The following ATXN10 variants were observed in gnomAD, a reference collection of about 807,000 sequenced individuals.
The protein encoded by ATXN10 is ataxin 10.
ATXN10 carries 28 observed loss-of-function variants against 52.9 expected under a neutral mutation model. The observed-to-expected ratio is 0.53, with a 90% CI of 0.39 to 0.73. ATXN10 has a LOEUF of 0.73. ATXN10 is among the 30% of genes least tolerant of loss of function. The pLI is 0.00. For missense variants in ATXN10, 565 were observed against 577.0 expected (o/e 0.98, Z 0.21); for synonymous variants, 226 against 221.5 (o/e 1.02, Z -0.18).
In ATXN10 at chr22:45,823,251, A is replaced by G. The variant is rs1362253069; in HGVS notation, c.1237+16229A>G. ...TCTGACTTCTATGATGTTTTAATGA[A>G]TAAAAATTCCCAATTTTAATGTAAA... is the stretch of plus-strand genomic sequence containing the variant. On this transcript the variant is annotated intron_variant, in intron 10 of 11. Transcript: ENST00000252934. The surrounding 1 kb of genome is among the most constrained non-coding windows in gnomAD (Gnocchi z 4.9). 2.2e-6 allele frequency: 1 copy of G among 461,732 alleles called. No individual in the cohort carries two copies. The allele number at this position is 461,732 out of a possible 1,614,324, so 28.6% of individuals were successfully genotyped here.
rs1923847886 is a variant in ATXN10 at position 45,701,637 on chromosome 22, T to C, written c.489-1052T>C. Among the ~76,000 whole-genome samples, 3 of 152,160 alleles carry C rather than the reference T, an allele frequency of 2.0e-5. No homozygotes were observed. Among genetic ancestry groups the C allele is most frequent in the Non-Finnish European group, 4.4e-5 (3 of 68,024 alleles). On this transcript the variant is annotated intron_variant, in intron 4 of 11. Transcript: ENST00000252934. This position sits in a 1 kb window ranked among gnomAD's most constrained non-coding sequence, Gnocchi z 4.2. ...TTTGAGAATTCATTCCCTTAAAACGTTTTGGATACCTAATATCTGCCAGGT... is the reference window on the plus strand; with the variant it reads ...TTTGAGAATTCATTCCCTTAAAACGCTTTGGATACCTAATATCTGCCAGGT...
intron 5 of ATXN10, among the ~76,000 whole-genome samples, chr22:45,713,866 C>G (rs1467081562): frequency 6.6e-6 from 1 of 152,054 alleles, no homozygotes; most frequent in African/African-American, 2.4e-5. Flanking sequence ...TATGAATATA[C>G]CAGGATTTAT....
intron 10 of ATXN10, among the ~76,000 whole-genome samples, chr22:45,831,722 C>CT (rs1354311892): frequency 6.6e-6 from 1 of 152,268 alleles, no homozygotes; most frequent in Non-Finnish European, 1.5e-5. Flanking sequence ...TGAACCTCAA[C>CT]TTTCTGCCCA....
chr22:45,777,761 C>T (rs993274985), intron 9 of ATXN10, among the ~76,000 whole-genome samples: 8 of 152,212 alleles, frequency 5.3e-5, no homozygotes, highest in Non-Finnish European at 1.0e-4. Context: ...TTCACTTAAG[C>T]TCTAGCTGCC....
chr22:45,798,646 G>A (rs1927828266), intron 9 of ATXN10, among the ~76,000 whole-genome samples: 1 of 152,124 alleles, frequency 6.6e-6, no homozygotes, highest in Non-Finnish European at 1.5e-5. Context: ...CACCACTCCA[G>A]TAAACAACGT....
In ATXN10 at chr22:45,781,529, T is replaced by C. The variant is rs1927149716; in HGVS notation, c.1174-25430T>C. On this transcript the variant is annotated intron_variant, in intron 9 of 11. Transcript: ENST00000252934. The surrounding 1 kb of genome is among the most constrained non-coding windows in gnomAD (Gnocchi z 4.2). ...GAGACTTAAACTTAAGATTCAGTCT[T>C]CTCATACCACTACACCCAAATGTTT... 6.6e-6 allele frequency among the ~76,000 whole-genome samples: 1 copy of C among 152,176 alleles called. No individual in the cohort carries two copies. Among genetic ancestry groups the C allele is most frequent in the Non-Finnish European group, 1.5e-5 (1 of 68,024 alleles).
chr22:45,677,505 C>A lies in ATXN10; in HGVS notation c.116+5326C>A, dbSNP rs1371330058. On this transcript the variant is annotated intron_variant, in intron 1 of 11. Transcript: ENST00000252934. This position sits in a 1 kb window ranked among gnomAD's most constrained non-coding sequence, Gnocchi z 4.1. ...TTAAAAATTAAAAAAAAATTCAGGC[C>A]AAAAGGTCTTAAAAAAAAAAAAAAG... 2.1e-5 allele frequency: 3 copies of A among 140,056 alleles called. No homozygotes were observed. The highest frequency in any genetic ancestry group is 2.7e-5 in the African/African-American group (1 of 36,784). 8.7% of individuals were successfully genotyped at this position (140,056 alleles called of 1,614,324 possible).
Position 45,672,141 on chromosome 22 carries a change from G to A in ATXN10, c.78G>A (p.Leu26=). ...CGCCCATCCAAGACCTGGAGGCCCT[G>A]CGCGCGCTCACGGCGCTCTTCAAAG... ...VPAPIQDLEA[L]RALTALFKEQ... is the part of the protein sequence containing the mutation. The change falls in exon 1 of 12, where the codon CTG becomes CTA. Residue 26 remains leucine, a synonymous_variant. Coordinates refer to ENST00000252934, the MANE Select transcript of ATXN10 (RefSeq NM_013236.4). 1 of 1,540,122 alleles carries A rather than the reference G, an allele frequency of 6.5e-7. No homozygotes were observed. Among genetic ancestry groups the A allele is most frequent in the Non-Finnish European group, 8.7e-7 (1 of 1,145,402 alleles).
At position 45,672,013 on chromosome 22, in the gene ATXN10, C is replaced by G. The variant is rs774061131; in HGVS notation, c.-51C>G. 1 of 1,524,488 alleles carries G rather than the reference C, an allele frequency of 6.6e-7. No individual in the cohort carries two copies. Among genetic ancestry groups the G allele is most frequent in the Non-Finnish European group, 8.8e-7 (1 of 1,138,428 alleles). The allele number at this position is 1,524,488 out of a possible 1,614,324, so 94.4% of individuals were successfully genotyped here. Reference sequence around the variant, plus strand: ...CTCCTCGTCATCCTCCCCCTTCGTCCTCCTCGCCTTCCTCCTCCTCGTCAG... The same window carrying G: ...CTCCTCGTCATCCTCCCCCTTCGTCGTCCTCGCCTTCCTCCTCCTCGTCAG... On this transcript the variant is annotated 5_prime_UTR_variant, in exon 1 of 12. Coordinates refer to ENST00000252934, the MANE Select transcript of ATXN10 (RefSeq NM_013236.4).
In ATXN10 at chr22:45,677,005, C is replaced by T. The variant is rs1363102524; in HGVS notation, c.116+4826C>T. The stretch of plus-strand genomic sequence containing the variant: ...CCATGTTGCCCAGGCTGGCATTAGC[C>T]ATATTTTAAGTGCTCATTGGCCACA... On this transcript the variant is annotated intron_variant, in intron 1 of 11. Coordinates refer to ENST00000252934, the MANE Select transcript of ATXN10 (RefSeq NM_013236.4). The surrounding 1 kb of genome is among the most constrained non-coding windows in gnomAD (Gnocchi z 4.1). 1 of 148,774 alleles carries T rather than the reference C, an allele frequency of 6.7e-6. No homozygotes were observed. Among genetic ancestry groups the T allele is most frequent in the Non-Finnish European group, 1.5e-5 (1 of 66,024 alleles). The allele number at this position is 148,774 out of a possible 1,614,324, so 9.2% of individuals were successfully genotyped here. A position where few individuals can be genotyped will look rare whatever the true frequency, so the allele number is the denominator to read the frequency against.
At chr22:45,796,913 A>G (rs1927761486) in intron 9 of ATXN10, among the ~76,000 whole-genome samples, 1 of 152,262 alleles carries the variant, frequency 6.6e-6, no homozygotes, top group Non-Finnish European at 1.5e-5. Flanking sequence ...GTAAACACTT[A>G]TAAGAAAGCT....
At position 45,786,920 on chromosome 22, in the gene ATXN10, C is replaced by T. The variant is rs1367469364; in HGVS notation, c.1174-20039C>T. ...TGTCCAGTAATTCTTTTCGGAATTT[C>T]TCCAAAGGAAATAATCAGTGATGAG... On this transcript the variant is annotated intron_variant, in intron 9 of 11. Transcript: ENST00000252934. The surrounding 1 kb of genome is among the most constrained non-coding windows in gnomAD (Gnocchi z 4.1). Among the ~76,000 whole-genome samples, 1 of 152,070 alleles carries T rather than the reference C, an allele frequency of 6.6e-6. No individual in the cohort carries two copies. Among genetic ancestry groups the T allele is most frequent in the Non-Finnish European group, 1.5e-5 (1 of 68,010 alleles).
At chr22:45,778,973 C>T (rs753532428) in intron 9 of ATXN10, among the ~76,000 whole-genome samples, 1 of 152,072 alleles carries the variant, frequency 6.6e-6, no homozygotes, top group East Asian at 1.9e-4. Flanking sequence ...TCTAGAAGCT[C>T]CTGATTATAT....
intron 3 of ATXN10, among the ~76,000 whole-genome samples, chr22:45,698,171 A>C (rs1351692535): frequency 6.6e-6 from 1 of 152,118 alleles, no homozygotes; most frequent in African/African-American, 2.4e-5. Context: ...CTAGGAATAG[A>C]ATTGCTGGGT....
intron 10 of ATXN10, among the ~76,000 whole-genome samples, chr22:45,832,237 C>T (rs1311763924): frequency 6.6e-6 from 1 of 152,226 alleles, no homozygotes; most frequent in Non-Finnish European, 1.5e-5. Flanking sequence ...GCCTAAGAAT[C>T]CCTGAAGGAG....
intron 3 of ATXN10, 150 bp downstream of exon 3, chr22:45,693,228 G>A (rs1923455199): frequency 8.1e-6 from 6 of 739,118 alleles, no homozygotes; most frequent in Non-Finnish European, 1.4e-5. Flanking sequence ...GAATTATAAA[G>A]TTGTATCAAC....
intron 10 of ATXN10, among the ~76,000 whole-genome samples, chr22:45,808,816 A>G (rs539420833): frequency 6.6e-6 from 1 of 152,240 alleles, no homozygotes; most frequent in Non-Finnish European, 1.5e-5. Context: ...AAATGGTTCA[A>G]AGTTACACAT....
At chr22:45,767,044 T>C (rs1253838346) in intron 9 of ATXN10, among the ~76,000 whole-genome samples, 1 of 152,246 alleles carries the variant, frequency 6.6e-6, no homozygotes, top group Non-Finnish European at 1.5e-5. Context: ...TGGAGCCGTC[T>C]TCGTAGATAG....
rs930569989 is a variant in ATXN10 at position 45,757,986 on chromosome 22, C to G, written c.1173+17448C>G. Among the ~76,000 whole-genome samples, 4 of 152,238 alleles carry G rather than the reference C, an allele frequency of 2.6e-5. No individual in the cohort carries two copies. Among genetic ancestry groups the G allele is most frequent in the African/African-American group, 9.6e-5 (4 of 41,462 alleles). On this transcript the variant is annotated intron_variant, in intron 9 of 11. Transcript: ENST00000252934. This position sits in a 1 kb window ranked among gnomAD's most constrained non-coding sequence, Gnocchi z 4.6. ...AAAAAGTTGAGCTTTTGTGATGACA[C>G]ACAAATTCAAACTAAATTTGATGCT...
Sources: allele counts gnomAD v4.1 joint callset (sites outside exome capture counted in the v4.1 genomes callset), GRCh38; gene constraint gnomAD v4.1.1; non-coding constraint Gnocchi (gnomAD v3.1); transcripts MANE v1.5; gene names NCBI Gene and HGNC (gene_info 2026-07-23, HGNC 2026-07-21).